PDS5A: variants seen among roughly 807,000 people sequenced by gnomAD.
PDS5A encodes PDS5 cohesin associated factor A, also known as sister chromatid cohesion protein PDS5 homolog A.
PDS5A carries 42 observed loss-of-function variants against 167.1 expected under a neutral mutation model. The observed-to-expected ratio is 0.25, with a 90% confidence interval of 0.20 to 0.33. The LOEUF (loss-of-function observed/expected upper bound fraction) is 0.33. PDS5A is among the 10% of genes least tolerant of loss of function. The pLI, the probability that PDS5A is intolerant of heterozygous loss-of-function variation, is 1.00. For synonymous variants in PDS5A, 553 were observed against 554.6 expected (o/e 1.00, Z 0.04); for missense variants, 1,033 against 1,605.9 (o/e 0.64, Z 6.10).
intron 2 of PDS5A, among the ~76,000 whole-genome samples, chr4:39,939,493 T>G (rs1381700964): frequency 6.6e-6 from 1 of 150,704 alleles, no homozygotes; most frequent in Non-Finnish European, 1.5e-5. Flanking sequence ...AAAAAAATTT[T>G]TTTTAAATAG....
At chr4:39,869,531 T>C in intron 21 of PDS5A, 69 bp from the exon 22 acceptor site, 2 of 929,086 alleles carry the variant, frequency 2.2e-6, no homozygotes, top group Non-Finnish European at 3.5e-6. Flanking sequence ...TGATTAAGTT[T>C]TTCATGTTGA....
chr4:39,860,822 C>G (rs1218960453), intron 26 of PDS5A, among the ~76,000 whole-genome samples: 3 of 152,100 alleles, frequency 2.0e-5, no homozygotes, highest in Admixed American at 2.0e-4. Flanking sequence ...GTAATCCTAG[C>G]ACTTCAGGAA....
At chr4:39,870,281 C>T (rs1257389214) in intron 21 of PDS5A, among the ~76,000 whole-genome samples, 1 of 152,122 alleles carries the variant, frequency 6.6e-6, no homozygotes, top group Admixed American at 6.5e-5. Flanking sequence ...AGGAAGAAAT[C>T]TTCATGATCT....
rs186207164 is a variant in PDS5A, at chr4:39,925,838, G to T, written c.525C>A (p.Ile175=). The T allele has an allele frequency of 2.5e-5, 32 of 1,301,518 alleles. No individual in the cohort carries two copies. The East Asian group carries it at 7.0e-4, about 28-fold the overall frequency. The allele number at this position is 1,301,518 out of a possible 1,614,324, so 80.6% of individuals were successfully genotyped here. Reference sequence around the variant, plus strand: ...GAAATGCTTAAAAAATAACTTACTTGATCACTGAGAAGAGAGTTCTAAAAA... The same window carrying T: ...GAAATGCTTAAAAAATAACTTACTTTATCACTGAGAAGAGAGTTCTAAAAA... ...IQLFRTLFSV[I]NNSHNKKVQM... Residue 175 remains isoleucine (I), a splice_region_variant and synonymous_variant, in exon 5 of 33, where the codon ATC becomes ATA. Transcript: ENST00000303538.
chr4:39,911,522 C>T (rs1010739186), intron 9 of PDS5A, among the ~76,000 whole-genome samples: 3 of 151,940 alleles, frequency 2.0e-5, no homozygotes, highest in Admixed American at 6.6e-5. Context: ...ACATACAACA[C>T]AATATGTAGA....
At position 39,925,905 on chromosome 4, in the gene PDS5A, A is replaced by T; in HGVS notation, c.458T>A (p.Ile153Asn). Residue 153 changes from isoleucine (I) to asparagine (N), a missense_variant, in exon 5 of 33, where the codon ATC becomes AAC. Physicochemically the swap from Ile to Asn is moderately radical, Grantham distance 149. This residue lies in a region of PDS5A where 388 missense variants were observed against 615.1 expected (regional missense o/e 0.63). Transcript: ENST00000303538. The stretch of plus-strand genomic sequence containing the variant: ...ATTGCAATCTTCCAATTCAAAGCAG[A>T]TGTTATATGATTTAACCCAAGCTAA... ...ENLAWVKSYN[I>N]CFELEDCNEI... 2.0e-6 allele frequency: 3 copies of T among 1,487,498 alleles called. No individual in the cohort carries two copies. Among genetic ancestry groups the T allele is most frequent in the Non-Finnish European group, 2.8e-6 (3 of 1,085,916 alleles). 92.1% of individuals were successfully genotyped at this position (1,487,498 alleles called of 1,614,324 possible). A position where few individuals can be genotyped will look rare whatever the true frequency, so the allele number is the denominator to read the frequency against.
intron 2 of PDS5A, among the ~76,000 whole-genome samples, chr4:39,971,522 G>A (rs1730536997): frequency 6.6e-6 from 1 of 152,046 alleles, no homozygotes; most frequent in Non-Finnish European, 1.5e-5. Context: ...TAGTGCAGTG[G>A]CATAATGCCT....
chr4:39,887,527 T>G (rs1284194563), intron 17 of PDS5A, among the ~76,000 whole-genome samples: 2 of 152,174 alleles, frequency 1.3e-5, no homozygotes, highest in African/African-American at 4.8e-5. Context: ...TTTGAGGATT[T>G]TTGTATCTAT....
At position 39,952,484 on chromosome 4, in the gene PDS5A, T is replaced by C. The variant is rs572590142; in HGVS notation, c.138+23956A>G. ...GTAAGTGTTAAAAATCACCAGATCA[T>C]AATTTGTTAATCTTTTTTTTTTCTA... On this transcript the variant is annotated intron_variant, in intron 2 of 32. Transcript: ENST00000303538. Among the ~76,000 whole-genome samples the C allele has an allele frequency of 2.6e-5, 4 of 152,300 alleles. No individual in the cohort carries two copies. The South Asian group carries it at 8.3e-4, about 32-fold the overall frequency.
intron 2 of PDS5A, among the ~76,000 whole-genome samples, chr4:39,965,325 G>A (rs528651656): frequency 2.0e-4 from 31 of 152,292 alleles, no homozygotes; most frequent in East Asian, 9.7e-4. Flanking sequence ...GGTATCAAGC[G>A]TTTAAGTAAA....
At chr4:39,842,907 TTTTATATATATA>T (rs1717166615) in intron 30 of PDS5A, among the ~76,000 whole-genome samples, 1 of 28,432 alleles carries the variant, frequency 3.5e-5, no homozygotes, top group Admixed American at 4.8e-4. Context: ...CTTATCCTAT[TTTTATATATATA>T]TATATATATA....
intron 2 of PDS5A, among the ~76,000 whole-genome samples, chr4:39,929,914 C>CAA (rs576020106): frequency 4.2e-5 from 6 of 142,546 alleles, no homozygotes; most frequent in Admixed American, 2.1e-4. Flanking sequence ...CCTGGCTAAT[C>CAA]AAAAAAAAAA....
chr4:39,866,442 T>C (rs1382013812), intron 23 of PDS5A, among the ~76,000 whole-genome samples: 1 of 152,190 alleles, frequency 6.6e-6, no homozygotes, highest in East Asian at 1.9e-4. Flanking sequence ...ATTACTTTCA[T>C]GGGACTCAAG....
chr4:39,971,788 T>A (rs1362457762), intron 2 of PDS5A, among the ~76,000 whole-genome samples: 3 of 152,132 alleles, frequency 2.0e-5, no homozygotes, highest in African/African-American at 7.2e-5. Context: ...TGTACAGCAT[T>A]TCAACACTGT....
At position 39,922,752 on chromosome 4, in the gene PDS5A, TAA is replaced by T. The variant is rs368289837; in HGVS notation, c.528-6_528-5del. The T allele has an allele frequency of 3.4e-3, 4,197 of 1,229,510 alleles. No individual in the cohort carries two copies. Among genetic ancestry groups the T allele is most frequent in the South Asian group, 0.01 (372 of 37,164 alleles). The allele number at this position is 1,229,510 out of a possible 1,614,324, so 76.2% of individuals were successfully genotyped here. ...TACCTTCTTATTGTGGCTATTGCTA[TAA>T]AAAAAAAAAAAAAAGAATAAGTAGT... On this transcript the variant is annotated splice_polypyrimidine_tract_variant and splice_region_variant and intron_variant, in intron 5 of 32. Transcript: ENST00000303538.
chr4:39,929,139 C>G (rs1725728259), intron 2 of PDS5A, among the ~76,000 whole-genome samples: 1 of 152,054 alleles, frequency 6.6e-6, no homozygotes, highest in African/African-American at 2.4e-5. Context: ...TTATAAATCA[C>G]AGTTTACTTA....
chr4:39,913,928 C>A (rs1724116233), intron 8 of PDS5A, among the ~76,000 whole-genome samples: 1 of 152,150 alleles, frequency 6.6e-6, no homozygotes, highest in South Asian at 2.1e-4. Context: ...TTATTTCACA[C>A]CCTCCCAACT....
At chr4:39,893,842 A>G (rs1237862230) in intron 16 of PDS5A, among the ~76,000 whole-genome samples, 1 of 152,238 alleles carries the variant, frequency 6.6e-6, no homozygotes, top group Non-Finnish European at 1.5e-5. Flanking sequence ...TAATGAACTC[A>G]TGCTCTTACC....
At chr4:39,908,030 C>A (rs1253736300) in intron 11 of PDS5A, among the ~76,000 whole-genome samples, 1 of 152,170 alleles carries the variant, frequency 6.6e-6, no homozygotes, top group Admixed American at 6.5e-5. Flanking sequence ...GCAGACCCAG[C>A]TAAGTTATTC....
Sources: allele counts gnomAD v4.1 joint callset (sites outside exome capture counted in the v4.1 genomes callset), GRCh38; gene constraint gnomAD v4.1.1; regional missense constraint gnomAD v4.1.1; transcripts MANE v1.5; gene names NCBI Gene and HGNC (gene_info 2026-07-23, HGNC 2026-07-21).